The following CSMD1 variants were observed in gnomAD, a reference collection of about 807,000 sequenced individuals.
The protein encoded by CSMD1 is CUB and sushi domain-containing protein 1.
Under a neutral mutation model 417.5 loss-of-function variants are expected in CSMD1, and 213 were observed. The ratio of observed to expected loss-of-function variants is 0.51; its 90% CI spans 0.46 to 0.57. CSMD1 has a LOEUF of 0.57. CSMD1 is among the 20% of genes least tolerant of loss of function. The pLI, the probability that CSMD1 is intolerant of heterozygous loss-of-function variation, is 0.00. For missense variants in CSMD1, 6,923 were observed against 4,529.7 expected, an observed-to-expected ratio of 1.53 and a Z score of -15.17; for synonymous variants, 2,862 against 1,736.8, an observed-to-expected ratio of 1.65 and a Z score of -16.11.
chr8:3,388,248 T>A lies in CSMD1; in HGVS notation c.2594-566A>T, dbSNP rs1247481730. Among the ~76,000 whole-genome samples, 4 of 152,358 alleles carry A rather than the reference T, an allele frequency of 2.6e-5. No individual in the cohort carries two copies. In the East Asian group the frequency reaches 5.8e-4, roughly 22 times the overall value. ...CAAATTTTAGTTTAAGTCAGCCACT[T>A]GCAAGATAGCTACTATTAGCCTTTG... On this transcript the variant is annotated intron_variant, in intron 17 of 69. Coordinates refer to ENST00000635120, the MANE Select transcript of CSMD1 (RefSeq NM_033225.6).
chr8:3,502,998 G>A (rs756664656), intron 10 of CSMD1, among the ~76,000 whole-genome samples: 6 of 152,082 alleles, frequency 3.9e-5, no homozygotes, highest in African/African-American at 1.4e-4. Context: ...TGGGGGCAGG[G>A]GGTACGGGGA....
At chr8:4,016,779 A>G (rs1472218566) in intron 4 of CSMD1, among the ~76,000 whole-genome samples, 2 of 152,218 alleles carry the variant, frequency 1.3e-5, no homozygotes, top group Non-Finnish European at 2.9e-5. Flanking sequence ...GTTTATGTGT[A>G]TAGTTGGGTT....
At chr8:4,072,797 T>C (rs750975888) in intron 3 of CSMD1, among the ~76,000 whole-genome samples, 7 of 152,148 alleles carry the variant, frequency 4.6e-5, no homozygotes, top group Non-Finnish European at 1.0e-4. Context: ...AAATTGAGTA[T>C]GAAGCTCATA....
intron 3 of CSMD1, among the ~76,000 whole-genome samples, chr8:4,056,394 T>C (rs1416398590): frequency 7.0e-6 from 1 of 143,032 alleles, no homozygotes; most frequent in Non-Finnish European, 1.5e-5. Flanking sequence ...TATTGGTGAA[T>C]TTCTTTTTTT....
intron 3 of CSMD1, among the ~76,000 whole-genome samples, chr8:4,206,351 C>A (rs979960142): frequency 1.3e-5 from 2 of 152,120 alleles, no homozygotes; most frequent in African/African-American, 4.8e-5. Flanking sequence ...CCCCTCCCCC[C>A]AACCCACCAC....
At chr8:4,057,214 T>A (rs1243115351) in intron 3 of CSMD1, among the ~76,000 whole-genome samples, 1 of 152,170 alleles carries the variant, frequency 6.6e-6, no homozygotes, top group African/African-American at 2.4e-5. Flanking sequence ...GACTTTTTAA[T>A]GATTGCCATT....
chr8:3,050,297 C>T (rs1173648749), intron 50 of CSMD1, among the ~76,000 whole-genome samples: 1 of 152,124 alleles, frequency 6.6e-6, no homozygotes, highest in East Asian at 1.9e-4. Flanking sequence ...ATTCCAACTT[C>T]AAATCTGCAA....
intron 3 of CSMD1, among the ~76,000 whole-genome samples, chr8:4,032,536 C>T (rs1029139296): frequency 1.1e-4 from 17 of 152,160 alleles, no homozygotes; most frequent in Non-Finnish European, 2.5e-4. Context: ...TATTTTTATG[C>T]TTCCACGACT....
At chr8:4,329,289 A>T (rs890466665) in intron 3 of CSMD1, among the ~76,000 whole-genome samples, 55 of 152,118 alleles carry the variant, frequency 3.6e-4, no homozygotes, top group African/African-American at 1.2e-3. Flanking sequence ...TGAACAAAAA[A>T]ATACTCATTT....
At chr8:4,630,265 T>TACACAC (rs57214957) in intron 2 of CSMD1, among the ~76,000 whole-genome samples, 59 of 149,042 alleles carry the variant, frequency 4.0e-4, no homozygotes, top group African/African-American at 8.2e-4. Context: ...ACACAGCAAA[T>TACACAC]ACACACACAC....
intron 25 of CSMD1, among the ~76,000 whole-genome samples, chr8:3,286,161 C>T (rs141040973): frequency 0.037 from 5,609 of 152,104 alleles, 171 homozygotes; most frequent in Admixed American, 0.089. Context: ...TGAACTCATA[C>T]TTCTTTATGG....
intron 5 of CSMD1, among the ~76,000 whole-genome samples, chr8:3,859,950 C>T (rs997187370): frequency 6.6e-6 from 1 of 152,088 alleles, no homozygotes; most frequent in Admixed American, 6.5e-5. Flanking sequence ...TCATGAATTC[C>T]ATGAGTCCCA....
chr8:4,383,737 G>A (rs961018863), intron 3 of CSMD1, among the ~76,000 whole-genome samples: 3 of 150,220 alleles, frequency 2.0e-5, no homozygotes, highest in East Asian at 1.9e-4. Flanking sequence ...TTCCACATGT[G>A]CAGATAAAAA....
intron 1 of CSMD1, among the ~76,000 whole-genome samples, chr8:4,910,385 G>A (rs931524648): frequency 1.3e-5 from 2 of 152,278 alleles, no homozygotes; most frequent in South Asian, 2.1e-4. Context: ...AAACTGGATT[G>A]CTTATAAACA....
intron 26 of CSMD1, among the ~76,000 whole-genome samples, chr8:3,239,939 G>A (rs1799390474): frequency 6.6e-6 from 1 of 151,760 alleles, no homozygotes. Context: ...TCAACAAAGA[G>A]TGAATACAGC....
intron 11 of CSMD1, among the ~76,000 whole-genome samples, chr8:3,493,288 T>C (rs1796211733): frequency 1.0e-5 from 1 of 99,810 alleles, no homozygotes; most frequent in African/African-American, 4.0e-5. Flanking sequence ...AGTAAGAACC[T>C]GTCTCAAAAA....
rs191186766 is a variant in CSMD1 at position 4,955,154 on chromosome 8, A to G, written c.85+39178T>C. Among the ~76,000 whole-genome samples the G allele has an allele frequency of 3.9e-3, 592 of 152,246 alleles. 4 individuals are homozygous for G. The highest frequency in any genetic ancestry group is 0.013 in the African/African-American group (544 of 41,550). On this transcript the variant is annotated intron_variant, in intron 1 of 69. Transcript: ENST00000635120. ...CTGCACCTCCAGTTCCCTATATCAG[A>G]AACCCTCTGAGTGCAGACCTACGGG...
intron 54 of CSMD1, among the ~76,000 whole-genome samples, chr8:2,993,885 G>C (rs1056521506): frequency 9.9e-5 from 15 of 151,634 alleles, no homozygotes; most frequent in Admixed American, 2.6e-4. Flanking sequence ...TAAGAAAACA[G>C]GCTGGGTGCA....
At chr8:3,452,569 G>C (rs555390811) in intron 12 of CSMD1, among the ~76,000 whole-genome samples, 5 of 152,194 alleles carry the variant, frequency 3.3e-5, no homozygotes, top group Non-Finnish European at 5.9e-5. Flanking sequence ...CATCTATTGA[G>C]ATAATCATGT....
Sources: allele counts gnomAD v4.1 joint callset (sites outside exome capture counted in the v4.1 genomes callset), GRCh38; gene constraint gnomAD v4.1.1; transcripts MANE v1.5; gene names NCBI Gene and HGNC (gene_info 2026-07-23, HGNC 2026-07-21).